The following ALK variants were observed in gnomAD, a reference collection of about 807,000 sequenced individuals.
The protein encoded by ALK is ALK tyrosine kinase receptor.
In ALK, 74 loss-of-function variants were observed where a neutral mutation model predicts 163.1. That is an observed-to-expected ratio of 0.45 (90% CI 0.38 to 0.55). The LOEUF is 0.55. Among genes scored for constraint, ALK ranks in the 20% least tolerant of loss-of-function variants. ALK has a pLI of 0.00. For missense variants in ALK, 2,063 were observed against 2,105.3 expected (o/e 0.98, Z 0.39); for synonymous variants, 960 against 843.2 (o/e 1.14, Z -2.40).
At chr2:29,200,824 T>C (rs1460837883) in intron 26 of ALK, among the ~76,000 whole-genome samples, 1 of 147,600 alleles carries the variant, frequency 6.8e-6, no homozygotes, top group African/African-American at 2.5e-5. Flanking sequence ...TATACATATA[T>C]ACGTATATAT....
At chr2:29,810,120 C>G (rs1182119161) in intron 1 of ALK, among the ~76,000 whole-genome samples, 1 of 152,082 alleles carries the variant, frequency 6.6e-6, no homozygotes, top group Non-Finnish European at 1.5e-5. Context: ...ACCATAATTT[C>G]TAAAAATGGA....
chr2:29,705,240 A>AATATATATATATATATAT (rs1172702963), intron 2 of ALK, among the ~76,000 whole-genome samples: 4 of 47,154 alleles, frequency 8.5e-5, no homozygotes, highest in Non-Finnish European at 1.8e-4. Flanking sequence ...AAAGAAAAGA[A>AATATATATATATATATAT]ATATATATAT....
chr2:29,386,245 G>C (rs961917423), intron 4 of ALK, among the ~76,000 whole-genome samples: 4 of 152,182 alleles, frequency 2.6e-5, no homozygotes, highest in Non-Finnish European at 4.4e-5. Context: ...TTTAATAAAA[G>C]TGTATTGAGT....
rs1015192703 is a variant in ALK, at chr2:29,806,349, G to T, written c.668-88652C>A. On this transcript the variant is annotated intron_variant, in intron 1 of 28. Transcript: ENST00000389048. ...AACAGTGTTTTAAATCAGAAGAAAAGGGTTCCATGTGATAACAGCAGAGGA... is the reference window on the plus strand; with the variant it reads ...AACAGTGTTTTAAATCAGAAGAAAATGGTTCCATGTGATAACAGCAGAGGA... Among the ~76,000 whole-genome samples, 7 of 152,076 alleles carry T rather than the reference G, an allele frequency of 4.6e-5. No individual in the cohort carries two copies. In the East Asian group the frequency reaches 1.2e-3, roughly 25 times the overall value.
At chr2:29,318,481 T>A in intron 7 of ALK, 77 bp from the exon 8 acceptor site, 2 of 1,008,062 alleles carry the variant, frequency 2.0e-6, no homozygotes, top group Admixed American at 3.5e-5. Flanking sequence ...TAATGGACTG[T>A]GCACAGTTCT....
At chr2:29,809,842 T>C (rs1664707488) in intron 1 of ALK, among the ~76,000 whole-genome samples, 1 of 152,232 alleles carries the variant, frequency 6.6e-6, no homozygotes, top group Admixed American at 6.5e-5. Flanking sequence ...GGCTGCTGGA[T>C]GGTCCAGCTT....
chr2:29,916,459 TG>T (rs1345115431), intron 1 of ALK, among the ~76,000 whole-genome samples: 1 of 152,232 alleles, frequency 6.6e-6, no homozygotes, highest in Non-Finnish European at 1.5e-5. Flanking sequence ...TGCTCTTCTC[TG>T]GACTAGTTCC....
intron 1 of ALK, among the ~76,000 whole-genome samples, chr2:29,797,505 TC>T (rs1384529076): frequency 6.6e-6 from 1 of 152,216 alleles, no homozygotes; most frequent in African/African-American, 2.4e-5. Context: ...AGGAGTAATA[TC>T]CCCACTATCA....
intron 11 of ALK, among the ~76,000 whole-genome samples, chr2:29,251,888 C>T (rs1416811487): frequency 6.6e-6 from 1 of 152,232 alleles, no homozygotes; most frequent in African/African-American, 2.4e-5. Context: ...CACTCCCTGG[C>T]CATGGCTTGG....
intron 1 of ALK, among the ~76,000 whole-genome samples, chr2:29,771,195 A>T (rs1681013435): frequency 6.6e-6 from 1 of 152,196 alleles, no homozygotes; most frequent in African/African-American, 2.4e-5. Context: ...ACGTACACAA[A>T]TACACACACA....
At chr2:29,841,111 G>T (rs1388157050) in intron 1 of ALK, among the ~76,000 whole-genome samples, 2 of 151,936 alleles carry the variant, frequency 1.3e-5, no homozygotes, top group Admixed American at 6.6e-5. Context: ...TCTGAATGTG[G>T]TTTCTATCAG....
chr2:29,197,012 C>T (rs1043614280), intron 27 of ALK, 152 bp from the exon 28 acceptor site: 5 of 672,876 alleles, frequency 7.4e-6, no homozygotes, highest in African/African-American at 7.1e-5. Context: ...GCTGATTGGT[C>T]AAGGAAGAGT....
At chr2:29,481,069 C>A (rs916949182) in intron 4 of ALK, among the ~76,000 whole-genome samples, 4 of 152,152 alleles carry the variant, frequency 2.6e-5, no homozygotes, top group African/African-American at 9.7e-5. Context: ...GCCCATGCTC[C>A]TGTGTTTGAG....
intron 1 of ALK, among the ~76,000 whole-genome samples, chr2:29,877,364 A>G (rs570374188): frequency 1.3e-5 from 2 of 152,166 alleles, no homozygotes; most frequent in African/African-American, 4.8e-5. Context: ...TGTCCATCCT[A>G]TGTAAATGAG....
chr2:29,276,498 A>G (rs556285811), intron 9 of ALK, among the ~76,000 whole-genome samples: 1 of 151,942 alleles, frequency 6.6e-6, no homozygotes, highest in Non-Finnish European at 1.5e-5. Flanking sequence ...ATCCTTTCCT[A>G]CCCTCCAGAA....
chr2:29,775,389 G>T (rs955575387), intron 1 of ALK, among the ~76,000 whole-genome samples: 2 of 152,178 alleles, frequency 1.3e-5, no homozygotes, highest in African/African-American at 4.8e-5. Flanking sequence ...AGGAATTGGA[G>T]ATTGTCATGC....
intron 1 of ALK, among the ~76,000 whole-genome samples, chr2:29,753,178 C>T (rs1179766545): frequency 2.0e-5 from 3 of 152,204 alleles, no homozygotes; most frequent in African/African-American, 7.2e-5. Context: ...GTTCCCAGCA[C>T]TGAAGCATTA....
chr2:29,482,182 T>C (rs748159739), intron 4 of ALK, among the ~76,000 whole-genome samples: 6 of 152,148 alleles, frequency 3.9e-5, no homozygotes, highest in Non-Finnish European at 7.3e-5. Context: ...CCATCAAGGC[T>C]TTCTCTGGGC....
chr2:29,276,522 T>C (rs900783213), intron 9 of ALK, among the ~76,000 whole-genome samples: 2 of 152,092 alleles, frequency 1.3e-5, no homozygotes, highest in East Asian at 1.9e-4. Context: ...CAATCCAGAA[T>C]GACATGCAGA....
Sources: allele counts gnomAD v4.1 joint callset (sites outside exome capture counted in the v4.1 genomes callset), GRCh38; gene constraint gnomAD v4.1.1; transcripts MANE v1.5; gene names NCBI Gene and HGNC (gene_info 2026-07-23, HGNC 2026-07-21).